SCN4A: variants seen among roughly 807,000 people sequenced by gnomAD.
SCN4A encodes sodium voltage-gated channel alpha subunit 4.
A neutral mutation model predicts 162.0 loss-of-function variants in SCN4A; 83 were observed. The ratio of observed to expected loss-of-function variants is 0.51; its 90% confidence interval spans 0.43 to 0.61. SCN4A has a LOEUF of 0.61. SCN4A is among the 20% of genes least tolerant of loss of function. The pLI is 0.00. For missense variants in SCN4A, 2,196 were observed against 2,462.5 expected, an observed-to-expected ratio of 0.89 and a Z score of 2.29; for synonymous variants, 944 against 985.1, an observed-to-expected ratio of 0.96 and a Z score of 0.78.
At position 63,972,803 on chromosome 17, in the gene SCN4A, G is replaced by T. The variant is rs367551440; in HGVS notation, c.39C>A (p.Gly13=). 3 of 1,613,402 alleles carry T rather than the reference G, an allele frequency of 1.9e-6. No homozygotes were observed. The highest frequency in any genetic ancestry group is 2.5e-6 in the Non-Finnish European group (3 of 1,179,684). The change falls in exon 1 of 24, where the codon GGC becomes GGA. Residue 13 remains glycine, a synonymous_variant. Transcript: ENST00000435607. The surrounding 1 kb of genome is among the most constrained non-coding windows in gnomAD (Gnocchi z 4.3). ...RPSLCTLVPL[G]PECLRPFTRE... ...GGGTGAAGGGGCGCAAGCACTCAGG[G>T]CCCAGAGGCACCAGGGTGCACAGAG...
intron 13 of SCN4A, among the ~76,000 whole-genome samples, chr17:63,955,151 C>T (rs1256338874): frequency 6.6e-6 from 1 of 152,182 alleles, no homozygotes; most frequent in African/African-American, 2.4e-5. Flanking sequence ...GTTACATGGA[C>T]CCAGTTCCAG....
In SCN4A at chr17:63,968,341, C is replaced by T. The variant is rs746216167; in HGVS notation, c.718G>A (p.Val240Met). 2.8e-5 allele frequency: 45 copies of T among 1,598,488 alleles called. No individual in the cohort carries two copies. Among genetic ancestry groups the T allele is most frequent in the Non-Finnish European group, 3.5e-5 (41 of 1,170,040 alleles). Residue 240 changes from valine (V) to methionine (M), a missense_variant, in exon 6 of 24, where the codon GTG (valine) becomes ATG (methionine). By Grantham distance (21) the Val-to-Met change is conservative. Transcript: ENST00000435607. ...TTCACCGACTGGATCAGGGCCCCCA[C>T]GATCGTCTTCAGCCCTGACCGCAGA... ...ITVIPGLKTI[V>M]GALIQSVKKL... is the part of the protein sequence containing the mutation.
intron 18 of SCN4A, 42 bp downstream of exon 18, chr17:63,947,003 C>T: frequency 6.9e-7 from 1 of 1,455,572 alleles, no homozygotes; most frequent in Non-Finnish European, 9.5e-7. Flanking sequence ...GGTGGCCGGT[C>T]CCCCATCCCC....
rs377510393 is a variant in SCN4A at position 63,971,271 on chromosome 17, G to C, written c.612-18C>G. ...TCAGGTACCTGGGTAGGGGGTGGAG[G>C]GGGGTGGGGACTGTCAGAGCCTGGG... On this transcript the variant is annotated intron_variant, in intron 4 of 23. Transcript: ENST00000435607. 38 of 1,426,238 alleles carry C rather than the reference G, an allele frequency of 2.7e-5. No individual in the cohort carries two copies. Among genetic ancestry groups the C allele is most frequent in the Non-Finnish European group, 3.5e-5 (36 of 1,034,970 alleles). 88.3% of individuals were successfully genotyped at this position (1,426,238 alleles called of 1,614,324 possible).
In SCN4A at chr17:63,963,700, T is replaced by C; in HGVS notation, c.1578A>G (p.Gly526=). ...EKGAPRQSSS[G]DSGISDAMEE... is the part of the protein sequence containing the mutation. The stretch of plus-strand genomic sequence containing the variant: ...CCATGGCGTCGGAGATGCCGCTGTC[T>C]CCGCTGCTGCTCTGCCTCGGGGCTC... The change falls in exon 10 of 24, where the codon GGA becomes GGG. Residue 526 remains glycine, a synonymous_variant. Coordinates refer to ENST00000435607, the MANE Select transcript of SCN4A (RefSeq NM_000334.4). 6.3e-7 allele frequency: 1 copy of C among 1,595,402 alleles called. No individual in the cohort carries two copies. Among genetic ancestry groups the C allele is most frequent in the Non-Finnish European group, 8.5e-7 (1 of 1,170,996 alleles).
chr17:63,942,735 G>T, intron 23 of SCN4A, 91 bp downstream of exon 23: 2 of 1,309,606 alleles, frequency 1.5e-6, no homozygotes, highest in Non-Finnish European at 2.1e-6. Flanking sequence ...GAGCGTGTGA[G>T]GGTGCAGGGG....
At chr17:63,961,874 A>ACCCCCTCAAAGCCCCC (rs1909273503) in intron 10 of SCN4A, among the ~76,000 whole-genome samples, 1 of 11,506 alleles carries the variant, frequency 8.7e-5, no homozygotes, top group African/African-American at 4.5e-4. Context: ...TCAAAGCCCC[A>ACCCCCTCAAAGCCCCC]CCCCCGGCTC....
At position 63,945,156 on chromosome 17, in the gene SCN4A, C is replaced by T; in HGVS notation, c.3721-96G>A. 1.5e-6 allele frequency: 2 copies of T among 1,301,056 alleles called. No individual in the cohort carries two copies. The highest frequency in any genetic ancestry group is 2.6e-5 in the South Asian group (2 of 77,586). 80.6% of individuals were successfully genotyped at this position (1,301,056 alleles called of 1,614,324 possible). On this transcript the variant is annotated intron_variant, in intron 19 of 23. Transcript: ENST00000435607. The surrounding 1 kb of genome is among the most constrained non-coding windows in gnomAD (Gnocchi z 4.4). ...CCCACCCAACCTGGTCCTCCCCTGCCAGAGGCCGCCTGCCAGAGCCCCACT... is the reference window on the plus strand; with the variant it reads ...CCCACCCAACCTGGTCCTCCCCTGCTAGAGGCCGCCTGCCAGAGCCCCACT...
Position 63,972,002 on chromosome 17 carries a change from G to C in SCN4A, c.482+134C>G. Reference sequence around the variant, plus strand: ...CGAGTGATAGCATGGCCACCCCAGGGACTCAAGGTGTGGATGAGGGTCACA... The same window carrying C: ...CGAGTGATAGCATGGCCACCCCAGGCACTCAAGGTGTGGATGAGGGTCACA... On this transcript the variant is annotated intron_variant, in intron 3 of 23. Transcript: ENST00000435607. The surrounding 1 kb of genome is among the most constrained non-coding windows in gnomAD (Gnocchi z 4.3). 9.7e-7 allele frequency: 1 copy of C among 1,035,440 alleles called. No homozygotes were observed. Among genetic ancestry groups the C allele is most frequent in the Non-Finnish European group, 1.5e-6 (1 of 682,614 alleles). 64.1% of individuals were successfully genotyped at this position (1,035,440 alleles called of 1,614,324 possible).
rs2144771458 is a variant in SCN4A at position 63,939,682 on chromosome 17, G to A, written c.*1089C>T. 1 of 152,370 alleles carries A rather than the reference G, an allele frequency of 6.6e-6. No homozygotes were observed. Among genetic ancestry groups the A allele is most frequent in the South Asian group, 2.1e-4 (1 of 4,834 alleles). The allele number at this position is 152,370 out of a possible 1,614,324, so 9.4% of individuals were successfully genotyped here. On this transcript the variant is annotated 3_prime_UTR_variant, in exon 24 of 24. Coordinates refer to ENST00000435607, the MANE Select transcript of SCN4A (RefSeq NM_000334.4). ...AAGTTGGAAGGTTGAGCCTGAACCA[G>A]TTGGGCCTTCCCTGCTGCACGCCCC...
rs1908898354 is a variant in SCN4A at position 63,951,280 on chromosome 17, C to T, written c.2853+144G>A. The T allele has an allele frequency of 3.1e-5, 19 of 622,480 alleles. No individual in the cohort carries two copies. In the East Asian group the frequency reaches 5.2e-4, roughly 17 times the overall value. The allele number at this position is 622,480 out of a possible 1,614,324, so 38.6% of individuals were successfully genotyped here. On this transcript the variant is annotated intron_variant, in intron 14 of 23. Transcript: ENST00000435607. This position sits in a 1 kb window ranked among gnomAD's most constrained non-coding sequence, Gnocchi z 4.5. ...GGACTGCATGCTTTACATACAGCGT[C>T]TCACATAATGCTTGCAACAATGCCA...
intron 18 of SCN4A, among the ~76,000 whole-genome samples, chr17:63,946,577 C>T (rs1430062649): frequency 6.6e-6 from 1 of 151,634 alleles, no homozygotes; most frequent in African/African-American, 2.4e-5. Context: ...CCAACCGTGA[C>T]GCCAAGCTCA....
At chr17:63,946,913 G>T in intron 18 of SCN4A, 132 bp downstream of exon 18, 1 of 893,844 alleles carries the variant, frequency 1.1e-6, no homozygotes, top group Non-Finnish European at 1.7e-6. Flanking sequence ...CTGGCCTCAG[G>T]CAGGGCCGTG....
rs538802737 is a variant in SCN4A at position 63,950,086 on chromosome 17, G to T, written c.2854-558C>A. Among the ~76,000 whole-genome samples the T allele has an allele frequency of 3.3e-3, 496 of 152,284 alleles. No individual in the cohort carries two copies. Among genetic ancestry groups the T allele is most frequent in the Non-Finnish European group, 5.5e-3 (372 of 68,010 alleles). On this transcript the variant is annotated intron_variant, in intron 14 of 23. Transcript: ENST00000435607. The surrounding 1 kb of genome is among the most constrained non-coding windows in gnomAD (Gnocchi z 4.6). The stretch of plus-strand genomic sequence containing the variant: ...CAGTGTTGGGAGCGGGAGTGGGGGA[G>T]GCGGGTGCTCCAGCCGGGCCAGGCT...
Position 63,949,605 on chromosome 17 carries a change from G to A in SCN4A, c.2854-77C>T, listed in dbSNP as rs534975319. On this transcript the variant is annotated intron_variant, in intron 14 of 23. Transcript: ENST00000435607. ...ATCCTCCTACCAGATGGGGCAGGAT[G>A]GGAGACCAGAAGGGAAGGGAAGAAG... is the stretch of plus-strand genomic sequence containing the variant. 4.1e-6 allele frequency: 6 copies of A among 1,475,022 alleles called. No homozygotes were observed. The African/African-American group carries it at 5.6e-5, about 14-fold the overall frequency. 91.4% of individuals were successfully genotyped at this position (1,475,022 alleles called of 1,614,324 possible).
At chr17:63,954,144 T>C (rs1285438183) in intron 13 of SCN4A, among the ~76,000 whole-genome samples, 1 of 152,224 alleles carries the variant, frequency 6.6e-6, no homozygotes, top group African/African-American at 2.4e-5. Context: ...CGGGTCTCAC[T>C]CCTGGCTCTC....
rs1598404879 is a variant in SCN4A at position 63,941,221 on chromosome 17, G to A, written c.5061C>T (p.Val1687=). Residue 1687 remains valine (V), a synonymous_variant, in exon 24 of 24, where the codon GTC becomes GTT. Coordinates refer to ENST00000435607, the MANE Select transcript of SCN4A (RefSeq NM_000334.4). This position sits in a 1 kb window ranked among gnomAD's most constrained non-coding sequence, Gnocchi z 6.2. ...LDILFALTKE[V]LGDSGEMDAL... The stretch of plus-strand genomic sequence containing the variant: ...CGTCCATTTCCCCAGAGTCACCCAG[G>A]ACCTCTTTGGTCAGGGCAAAGAGGA... 1.2e-6 allele frequency: 2 copies of A among 1,613,816 alleles called. No individual in the cohort carries two copies. Among genetic ancestry groups the A allele is most frequent in the African/African-American group, 2.7e-5 (2 of 74,962 alleles).
rs551763372 is a variant in SCN4A, at chr17:63,944,136, G to A, written c.3913-286C>T. ...GTAACCCACAAGGCAGGTTGTAGCA[G>A]CCTCGTCTTTTTTTTTGTTGTTGAG... On this transcript the variant is annotated intron_variant, in intron 21 of 23. Coordinates refer to ENST00000435607, the MANE Select transcript of SCN4A (RefSeq NM_000334.4). This position sits in a 1 kb window ranked among gnomAD's most constrained non-coding sequence, Gnocchi z 4.3. 3.3e-5 allele frequency among the ~76,000 whole-genome samples: 5 copies of A among 152,130 alleles called. No individual in the cohort carries two copies. In the East Asian group the frequency reaches 9.7e-4, roughly 29 times the overall value.
chr17:63,955,501 C>G (rs1401226127), intron 13 of SCN4A, among the ~76,000 whole-genome samples: 2 of 152,216 alleles, frequency 1.3e-5, no homozygotes, highest in Non-Finnish European at 2.9e-5. Context: ...CCCCGTTTTC[C>G]AGATGGGAAA....
Sources: gnomAD v4.1 joint callset for allele counts (sites outside exome capture counted in the v4.1 genomes callset) on GRCh38, gnomAD v4.1.1 for gene constraint, Gnocchi (gnomAD v3.1) non-coding constraint, MANE v1.5 for transcripts, NCBI Gene and HGNC (gene_info 2026-07-23, HGNC 2026-07-21) for gene names.